Variants in NALCN observed in about 807,000 individuals in gnomAD.
The protein encoded by NALCN is sodium leak channel, non-selective.
Under a neutral mutation model 225.3 loss-of-function variants are expected in NALCN, and 111 were observed. That is an observed-to-expected ratio of 0.49 (90% CI 0.42 to 0.58). The LOEUF (loss-of-function observed/expected upper bound fraction) is 0.58, where lower values mean the gene tolerates loss of function less well. Among genes scored for constraint, NALCN ranks in the 20% least tolerant of loss-of-function variants. The pLI, the probability that NALCN is intolerant of heterozygous loss-of-function variation, is 0.00. For missense variants in NALCN, 1,378 were observed against 2,202.4 expected (o/e 0.63, Z 7.49); for synonymous variants, 764 against 769.0 (o/e 0.99, Z 0.11).
chr13:101,070,917 C>T (rs1451286613), intron 37 of NALCN, among the ~76,000 whole-genome samples: 1 of 152,162 alleles, frequency 6.6e-6, no homozygotes, highest in Non-Finnish European at 1.5e-5. Context: ...AGGAGATTTA[C>T]AATCACGGCG....
intron 18 of NALCN, among the ~76,000 whole-genome samples, chr13:101,115,825 C>T (rs575966262): frequency 1.3e-5 from 2 of 152,110 alleles, no homozygotes; most frequent in African/African-American, 4.8e-5. Flanking sequence ...TTAACATCTT[C>T]CCTAGATCTT....
intron 37 of NALCN, among the ~76,000 whole-genome samples, chr13:101,072,373 A>G (rs1800174472): frequency 6.6e-6 from 1 of 152,222 alleles, no homozygotes; most frequent in South Asian, 2.1e-4. Flanking sequence ...AGTAAGCCCC[A>G]TTCTTGGAAC....
At chr13:101,110,006 C>A (rs1215213217) in intron 20 of NALCN, among the ~76,000 whole-genome samples, 1 of 152,288 alleles carries the variant, frequency 6.6e-6, no homozygotes, top group East Asian at 1.9e-4. Flanking sequence ...GTCTCCTATT[C>A]TAAAATTTAA....
At chr13:101,079,205 G>A (rs543117063) in intron 34 of NALCN, among the ~76,000 whole-genome samples, 7 of 152,250 alleles carry the variant, frequency 4.6e-5, no homozygotes, top group African/African-American at 1.4e-4. Flanking sequence ...ATTTTATCTG[G>A]AGAAAGGAAA....
chr13:101,173,992 T>G (rs1594364275), intron 15 of NALCN, among the ~76,000 whole-genome samples: 1 of 151,990 alleles, frequency 6.6e-6, no homozygotes, highest in East Asian at 1.9e-4. Context: ...CCAAGATCAC[T>G]GAAAATAAGA....
chr13:101,346,151 A>G (rs1435047669), intron 6 of NALCN, among the ~76,000 whole-genome samples: 2 of 148,244 alleles, frequency 1.3e-5, no homozygotes, highest in East Asian at 4.0e-4. Flanking sequence ...ATCTGAATAT[A>G]GTTTTAAGAT....
chr13:101,170,962 C>A (rs556079569), intron 15 of NALCN, among the ~76,000 whole-genome samples: 1 of 152,258 alleles, frequency 6.6e-6, no homozygotes, highest in South Asian at 2.1e-4. Flanking sequence ...TGCAAGAATT[C>A]TCTTCATATT....
intron 18 of NALCN, among the ~76,000 whole-genome samples, chr13:101,111,833 C>A (rs1022200200): frequency 2.0e-5 from 3 of 152,158 alleles, no homozygotes; most frequent in Admixed American, 2.0e-4. Context: ...GTTCACTAAA[C>A]CTCTTTCTTT....
chr13:101,311,972 T>A (rs1224253494), intron 7 of NALCN, among the ~76,000 whole-genome samples: 1 of 151,966 alleles, frequency 6.6e-6, no homozygotes, highest in Non-Finnish European at 1.5e-5. Flanking sequence ...AGAATTCGGC[T>A]GTGAATCCAT....
chr13:101,144,921 A>G lies in NALCN; in HGVS notation c.1840-25T>C, dbSNP rs643715. The G allele has an allele frequency of 0.031, 48,815 of 1,594,358 alleles. 942 individuals are homozygous for G. Among genetic ancestry groups the G allele is most frequent in the African/African-American group, 0.078 (5,751 of 73,426 alleles). ...ACTAAAGAAAAATTGGAAAGAAGAA[A>G]AAAAGGGGGAACCTATAATACTATT... On this transcript the variant is annotated intron_variant, in intron 15 of 43. Coordinates refer to ENST00000251127, the MANE Select transcript of NALCN (RefSeq NM_052867.4).
intron 20 of NALCN, among the ~76,000 whole-genome samples, chr13:101,108,100 T>G (rs1300522575): frequency 2.0e-5 from 3 of 148,678 alleles, no homozygotes; most frequent in Non-Finnish European, 4.5e-5. Context: ...AATGTATATA[T>G]TTATAATTAT....
chr13:101,058,801 G>C (rs537341798), intron 42 of NALCN: 2 of 152,242 alleles, frequency 1.3e-5, no homozygotes, highest in Middle Eastern at 3.1e-3. Context: ...TCTCCCATGC[G>C]AGACATTGCC....
intron 14 of NALCN, among the ~76,000 whole-genome samples, chr13:101,185,860 G>A (rs920978546): frequency 1.3e-5 from 2 of 152,180 alleles, no homozygotes; most frequent in Non-Finnish European, 2.9e-5. Flanking sequence ...GTGAACAAAA[G>A]ACACATCAGA....
At chr13:101,224,684 A>C (rs1263806335) in intron 13 of NALCN, among the ~76,000 whole-genome samples, 2 of 152,052 alleles carry the variant, frequency 1.3e-5, no homozygotes, top group Admixed American at 6.6e-5. Flanking sequence ...TTTTTGAGAG[A>C]GCCGACACCC....
intron 7 of NALCN, among the ~76,000 whole-genome samples, chr13:101,314,952 T>C (rs559906): frequency 0.41 from 61,953 of 151,338 alleles, 13,008 homozygotes; most frequent in Middle Eastern, 0.47. Flanking sequence ...GGCGAGATAC[T>C]AAAGTGATGC....
intron 6 of NALCN, among the ~76,000 whole-genome samples, chr13:101,367,110 TTTC>T (rs1185513178): frequency 6.6e-6 from 1 of 151,932 alleles, no homozygotes; most frequent in East Asian, 1.9e-4. Context: ...AATGACAGAA[TTTC>T]TTTTTTTATT....
intron 11 of NALCN, among the ~76,000 whole-genome samples, chr13:101,238,620 T>A (rs576229616): frequency 1.3e-3 from 196 of 152,082 alleles, no homozygotes; most frequent in African/African-American, 4.2e-3. Flanking sequence ...ACATGTCCTA[T>A]GAACAAGAAT....
At chr13:101,138,741 C>A (rs1037700613) in intron 17 of NALCN, among the ~76,000 whole-genome samples, 5 of 152,180 alleles carry the variant, frequency 3.3e-5, no homozygotes, top group Admixed American at 2.0e-4. Flanking sequence ...GAGAACAGAG[C>A]GGGCTGCTTT....
Position 101,065,518 on chromosome 13 carries a change from A to G in NALCN, c.4490T>C (p.Leu1497Pro). 6.2e-7 allele frequency: 1 copy of G among 1,614,168 alleles called. No individual in the cohort carries two copies. The highest frequency in any genetic ancestry group is 1.1e-5 in the South Asian group (1 of 91,084). ...TFRVKFLLRLLRGRLEVDLDK... is the reference protein window; with the variant it reads ...TFRVKFLLRLPRGRLEVDLDK... Reference sequence around the variant, plus strand: ...CAGGTCCACCTCCAGCCTCCCACGCAGTAGCCGCAGCAGGAACTTGACGCG... The same window carrying G: ...CAGGTCCACCTCCAGCCTCCCACGCGGTAGCCGCAGCAGGAACTTGACGCG... The change falls in exon 40 of 44, where the codon CTG becomes CCG. Residue 1497 changes from leucine (L) to proline (P), a missense_variant. This residue lies in a region of NALCN where 94 missense variants were observed against 170.3 expected (regional missense o/e 0.55). Transcript: ENST00000251127.
Sources: allele counts gnomAD v4.1 joint callset (sites outside exome capture counted in the v4.1 genomes callset), GRCh38; gene constraint gnomAD v4.1.1; regional missense constraint gnomAD v4.1.1; transcripts MANE v1.5; gene names NCBI Gene and HGNC (gene_info 2026-07-23, HGNC 2026-07-21).